EPS15L1: variants seen among roughly 807,000 people sequenced by gnomAD.
EPS15L1 encodes the protein epidermal growth factor receptor substrate 15-like 1.
A neutral mutation model predicts 117.1 loss-of-function variants in EPS15L1; 43 were observed. The observed-to-expected ratio is 0.37, with a 90% CI of 0.29 to 0.47. EPS15L1 has a LOEUF of 0.47. Ranked by LOEUF, EPS15L1 falls within the 20% of genes least tolerant of loss-of-function variation. EPS15L1 has a pLI of 0.99. For missense variants in EPS15L1, 981 were observed against 1,164.0 expected (o/e 0.84, Z 2.29); for synonymous variants, 459 against 470.5 (o/e 0.98, Z 0.32).
rs867077182 is a variant in EPS15L1 at position 16,362,254 on chromosome 19, C to T, written c.2381-270G>A. Reference sequence around the variant, plus strand: ...CAGAGCAGCTAAAACTTGAGTTGTCCTAGAATAGTTTGCATGCAGGTACGT... The same window carrying T: ...CAGAGCAGCTAAAACTTGAGTTGTCTTAGAATAGTTTGCATGCAGGTACGT... On this transcript the variant is annotated intron_variant, in intron 22 of 23. Coordinates refer to ENST00000455140, the MANE Select transcript of EPS15L1 (RefSeq NM_001258374.3). Among the ~76,000 whole-genome samples the T allele has an allele frequency of 6.6e-5, 10 of 152,164 alleles. 1 individual carries two copies. The highest frequency in any genetic ancestry group is 2.2e-4 in the African/African-American group (9 of 41,526).
At chr19:16,391,328 C>T (rs1261131830) in intron 19 of EPS15L1, among the ~76,000 whole-genome samples, 1 of 152,080 alleles carries the variant, frequency 6.6e-6, no homozygotes, top group East Asian at 1.9e-4. Context: ...AACAGATCAC[C>T]AATACCAGGA....
At chr19:16,457,363 G>A (rs940356454) in intron 1 of EPS15L1, among the ~76,000 whole-genome samples, 3 of 152,170 alleles carry the variant, frequency 2.0e-5, no homozygotes, top group African/African-American at 7.2e-5. Context: ...TCCGCAGCCA[G>A]CAGCAGACAT....
At chr19:16,414,435 C>G (rs1158037034) in intron 12 of EPS15L1, among the ~76,000 whole-genome samples, 1 of 152,016 alleles carries the variant, frequency 6.6e-6, no homozygotes, top group Non-Finnish European at 1.5e-5. Context: ...GAGTCTCGCT[C>G]TGTCACCCAG....
intron 11 of EPS15L1, 48 bp downstream of exon 11, chr19:16,417,900 G>A (rs371450906): frequency 2.2e-5 from 34 of 1,575,074 alleles, no homozygotes; most frequent in African/African-American, 4.1e-5. Flanking sequence ...GGTGGCAGGC[G>A]GTGGGAAGGG....
In EPS15L1 at chr19:16,421,518, T is replaced by G. The variant is rs1398204493; in HGVS notation, c.793-42A>C. On this transcript the variant is annotated intron_variant, in intron 9 of 23. Transcript: ENST00000455140. ...CAAAACAGTTAATCTGGAAGCTTTT[T>G]ATGACCCCCAGACACATGCTTTTTG... 6.9e-6 allele frequency: 11 copies of G among 1,589,452 alleles called. No homozygotes were observed. In the East Asian group the frequency reaches 2.5e-4, roughly 36 times the overall value.
At chr19:16,377,680 C>T (rs1217956426) in intron 21 of EPS15L1, among the ~76,000 whole-genome samples, 1 of 152,246 alleles carries the variant, frequency 6.6e-6, no homozygotes, top group Non-Finnish European at 1.5e-5. Context: ...TGGTGTGCCG[C>T]CTCCCCACTG....
chr19:16,387,053 C>T (rs2092427360), intron 19 of EPS15L1, among the ~76,000 whole-genome samples: 1 of 152,176 alleles, frequency 6.6e-6, no homozygotes, highest in African/African-American at 2.4e-5. Flanking sequence ...TGGTGGAACT[C>T]TGAGACAGGG....
At position 16,405,732 on chromosome 19, in the gene EPS15L1, C is replaced by G. The variant is rs2092649661; in HGVS notation, c.1267-983G>C. On this transcript the variant is annotated intron_variant, in intron 13 of 23. Coordinates refer to ENST00000455140, the MANE Select transcript of EPS15L1 (RefSeq NM_001258374.3). The surrounding 1 kb of genome is among the most constrained non-coding windows in gnomAD (Gnocchi z 4.0). ...AGGGGAGGGTATGTGTGGTATGCATCAACCTTTCTGGAAGGCCCCCTCCAG... is the reference window on the plus strand; with the variant it reads ...AGGGGAGGGTATGTGTGGTATGCATGAACCTTTCTGGAAGGCCCCCTCCAG... Among the ~76,000 whole-genome samples, 1 of 152,326 alleles carries G rather than the reference C, an allele frequency of 6.6e-6. No homozygotes were observed.
intron 1 of EPS15L1, among the ~76,000 whole-genome samples, chr19:16,463,794 G>C (rs2093275441): frequency 6.6e-6 from 1 of 152,214 alleles, no homozygotes; most frequent in Non-Finnish European, 1.5e-5. Flanking sequence ...CAGAGATGCT[G>C]GGCCAGTTTG....
At chr19:16,435,894 G>A (rs1185580350) in intron 6 of EPS15L1, among the ~76,000 whole-genome samples, 1 of 152,164 alleles carries the variant, frequency 6.6e-6, no homozygotes, top group Non-Finnish European at 1.5e-5. Context: ...AGCTCTTCCA[G>A]TGAGGCCTGG....
Position 16,355,826 on chromosome 19 carries a change from G to A in EPS15L1, c.2612C>T (p.Ala871Val), listed in dbSNP as rs1273600219. Residue 871 changes from alanine to valine, a missense_variant, in exon 24 of 24, where the codon GCG becomes GTG. By Grantham distance (64) the Ala-to-Val change is moderately conservative (BLOSUM62 0). Around this residue, in one of 5 missense-constraint regions of EPS15L1, gnomAD observed 819 missense variants for 949.0 expected, o/e 0.86. Transcript: ENST00000455140. ...TSFGNEEQQLAWAKRESEKAE... is the reference protein window; with the variant it reads ...TSFGNEEQQLVWAKRESEKAE... ...CTTCTCGCTCTCCCGCTTGGCCCACGCCAGCTGCTGCTCCTCATTGCCAAA... is the reference window on the plus strand; with the variant it reads ...CTTCTCGCTCTCCCGCTTGGCCCACACCAGCTGCTGCTCCTCATTGCCAAA... The A allele has an allele frequency of 3.3e-6, 5 of 1,536,058 alleles. No homozygotes were observed. The highest frequency in any genetic ancestry group is 4.4e-6 in the Non-Finnish European group (5 of 1,146,806).
intron 19 of EPS15L1, 77 bp downstream of exon 19, chr19:16,392,227 G>A (rs2092483787): frequency 1.3e-6 from 2 of 1,545,936 alleles, no homozygotes; most frequent in South Asian, 1.1e-5. Context: ...CGAAGGGAAG[G>A]GGGCCTTCGG....
intron 5 of EPS15L1, among the ~76,000 whole-genome samples, chr19:16,437,262 C>G (rs1190149735): frequency 6.6e-6 from 1 of 152,138 alleles, no homozygotes; most frequent in Non-Finnish European, 1.5e-5. Flanking sequence ...TGGAAATAAC[C>G]CACATGTCCA....
intron 22 of EPS15L1, 48 bp from the exon 23 acceptor site, chr19:16,362,032 T>G (rs1599519320): frequency 4.6e-6 from 7 of 1,508,482 alleles, no homozygotes; most frequent in Non-Finnish European, 5.3e-6. Flanking sequence ...GAAATATGAG[T>G]TACTCACCCG....
intron 1 of EPS15L1, among the ~76,000 whole-genome samples, chr19:16,457,991 G>A (rs566422088): frequency 1.3e-5 from 2 of 152,102 alleles, no homozygotes; most frequent in African/African-American, 2.4e-5. Flanking sequence ...AGTGTACCCC[G>A]GGCCTTCCCA....
intron 22 of EPS15L1, among the ~76,000 whole-genome samples, chr19:16,367,283 A>C (rs2144655781): frequency 6.6e-6 from 1 of 151,672 alleles, no homozygotes; most frequent in African/African-American, 2.4e-5. Flanking sequence ...AGACAAATGA[A>C]ATTAAAGACC....
At chr19:16,403,707 G>A (rs1361813330) in intron 15 of EPS15L1, 26 bp downstream of exon 15, 1 of 1,604,032 alleles carries the variant, frequency 6.2e-7, no homozygotes, top group Admixed American at 1.7e-5. Flanking sequence ...CCTGGCATGT[G>A]GCAGGGACCC....
chr19:16,394,189 T>C (rs947200143), intron 17 of EPS15L1, among the ~76,000 whole-genome samples, 188 bp from the exon 18 acceptor site: 3 of 152,156 alleles, frequency 2.0e-5, no homozygotes, highest in Non-Finnish European at 4.4e-5. Context: ...GAGGGGGACC[T>C]GGAGGAGGCA....
chr19:16,441,292 G>A (rs1002762175), intron 3 of EPS15L1: 1 of 246,428 alleles, frequency 4.1e-6, no homozygotes. Context: ...CTAACACAGT[G>A]AAACCCCGTC....
Sources: gnomAD v4.1 joint callset for allele counts (sites outside exome capture counted in the v4.1 genomes callset) on GRCh38, gnomAD v4.1.1 for gene constraint, gnomAD v4.1.1 regional missense constraint, Gnocchi (gnomAD v3.1) non-coding constraint, MANE v1.5 for transcripts, NCBI Gene and HGNC (gene_info 2026-07-23, HGNC 2026-07-21) for gene names.